Variants in BRPF1 observed in about 807,000 individuals in gnomAD.
The protein encoded by BRPF1 is peregrin.
A neutral mutation model predicts 115.0 loss-of-function variants in BRPF1; 15 were observed. The ratio of observed to expected loss-of-function variants is 0.13; its 90% CI spans 0.09 to 0.20. The LOEUF is 0.20. BRPF1 is among the 10% of genes least tolerant of loss of function. The pLI, the probability that BRPF1 is intolerant of heterozygous loss-of-function variation, is 1.00. For missense variants in BRPF1, 1,118 were observed against 1,638.3 expected, an observed-to-expected ratio of 0.68 and a Z score of 5.48; for synonymous variants, 647 against 619.8, an observed-to-expected ratio of 1.04 and a Z score of -0.65.
In BRPF1 at chr3:9,734,722, G is replaced by C; in HGVS notation, c.582G>C (p.Arg194=). The C allele has an allele frequency of 6.2e-7, 1 of 1,613,988 alleles. No individual in the cohort carries two copies. Among genetic ancestry groups the C allele is most frequent in the East Asian group, 2.2e-5 (1 of 44,884 alleles). ...AGGACACCCCTGATGCCCCACCCCG[G>C]CCAACTTCCTATTACCGGTAAGGCC... The part of the protein sequence containing the change: ...LEQDTPDAPP[R]PTSYYRYIEK... Residue 194 remains arginine, a synonymous_variant, in exon 2 of 14, where the codon CGG becomes CGC. Coordinates refer to ENST00000383829, the MANE Select transcript of BRPF1 (RefSeq NM_001003694.2). The surrounding 1 kb of genome is among the most constrained non-coding windows in gnomAD (Gnocchi z 5.7).
In BRPF1 at chr3:9,739,121, C is replaced by T. The variant is rs369506759; in HGVS notation, c.722C>T (p.Pro241Leu). 2.5e-5 allele frequency: 41 copies of T among 1,613,982 alleles called. No individual in the cohort carries two copies. Among genetic ancestry groups the T allele is most frequent in the Non-Finnish European group, 3.3e-5 (39 of 1,179,956 alleles). The change falls in exon 3 of 14, where the codon CCG becomes CTG. Residue 241 changes from proline (P) to leucine (L), a missense_variant. Physicochemically the swap from Pro to Leu is moderately conservative, Grantham distance 98. Transcript: ENST00000383829. ...AAGACAGAGGGTGTAAGTCCCATCC[C>T]GCAGGAGATCTTTGAGTACCTAATG... ...RRKTEGVSPI[P>L]QEIFEYLMDR...
At chr3:9,738,729 G>T (rs918044806) in intron 2 of BRPF1, among the ~76,000 whole-genome samples, 57 of 152,234 alleles carry the variant, frequency 3.7e-4, no homozygotes, top group African/African-American at 1.3e-3. Flanking sequence ...GAGCTTTGCA[G>T]TGGCAGACCT....
chr3:9,734,030 G>A lies in BRPF1; in HGVS notation c.-10-101G>A. The A allele has an allele frequency of 1.3e-6, 2 of 1,499,312 alleles. No individual in the cohort carries two copies. Among genetic ancestry groups the A allele is most frequent in the Non-Finnish European group, 1.8e-6 (2 of 1,131,284 alleles). 92.9% of individuals were successfully genotyped at this position (1,499,312 alleles called of 1,614,324 possible). On this transcript the variant is annotated intron_variant, in intron 1 of 13. Coordinates refer to ENST00000383829, the MANE Select transcript of BRPF1 (RefSeq NM_001003694.2). This position sits in a 1 kb window ranked among gnomAD's most constrained non-coding sequence, Gnocchi z 5.7. ...GTAGAGGTAGGCTGGCCAGAATCTG[G>A]TGACTCCAAGTGAGGGGGAGGGCTA...
At chr3:9,738,977 G>C in intron 2 of BRPF1, 22 bp from the exon 3 acceptor site, 1 of 1,526,974 alleles carries the variant, frequency 6.5e-7, no homozygotes, top group Non-Finnish European at 8.8e-7. Flanking sequence ...ATGTGATGCT[G>C]AGTTCCCTGT....
chr3:9,734,725 A>G lies in BRPF1; in HGVS notation c.585A>G (p.Pro195=), dbSNP rs745701634. 1.1e-5 allele frequency: 17 copies of G among 1,613,874 alleles called. No individual in the cohort carries two copies. In the South Asian group the frequency reaches 1.9e-4, roughly 18 times the overall value. Residue 195 remains proline (P), a synonymous_variant, in exon 2 of 14, where the codon CCA becomes CCG. Coordinates refer to ENST00000383829, the MANE Select transcript of BRPF1 (RefSeq NM_001003694.2). The surrounding 1 kb of genome is among the most constrained non-coding windows in gnomAD (Gnocchi z 5.7). ...ACACCCCTGATGCCCCACCCCGGCCAACTTCCTATTACCGGTAAGGCCACC... is the reference window on the plus strand; with the variant it reads ...ACACCCCTGATGCCCCACCCCGGCCGACTTCCTATTACCGGTAAGGCCACC... ...EQDTPDAPPR[P]TSYYRYIEKS... is the part of the protein sequence containing the mutation.
Position 9,745,479 on chromosome 3 carries a change from C to A in BRPF1, c.3069-94C>A. 2 of 1,426,218 alleles carry A rather than the reference C, an allele frequency of 1.4e-6. No individual in the cohort carries two copies. The highest frequency in any genetic ancestry group is 2.0e-6 in the Non-Finnish European group (2 of 1,024,878). 88.3% of individuals were successfully genotyped at this position (1,426,218 alleles called of 1,614,324 possible). On this transcript the variant is annotated intron_variant, in intron 10 of 13. Transcript: ENST00000383829. The surrounding 1 kb of genome is among the most constrained non-coding windows in gnomAD (Gnocchi z 5.1). Reference sequence around the variant, plus strand: ...TATAGCCTCTGCTTTCCAAAAGTCTCAGACCCTGCGGGCTTTAAGAGCTGA... The same window carrying A: ...TATAGCCTCTGCTTTCCAAAAGTCTAAGACCCTGCGGGCTTTAAGAGCTGA...
Position 9,739,757 on chromosome 3 carries a change from C to G in BRPF1, c.1358C>G (p.Ala453Gly). The G allele has an allele frequency of 6.2e-7, 1 of 1,614,200 alleles. No individual in the cohort carries two copies. The highest frequency in any genetic ancestry group is 8.5e-7 in the Non-Finnish European group (1 of 1,180,024). Residue 453 changes from alanine (A) to glycine (G), a missense_variant, in exon 3 of 14, where the codon GCA becomes GGA. Transcript: ENST00000383829. ...YCDIHTPPGS[A>G]RRLPALSHSE... ...GACATCCACACGCCTCCAGGTTCAG[C>G]ACGCCGACTGCCTGCCCTGTCCCAC...
At chr3:9,733,918 G>A (rs1164920286) in intron 1 of BRPF1, among the ~76,000 whole-genome samples, 5 of 152,194 alleles carry the variant, frequency 3.3e-5, no homozygotes, top group Non-Finnish European at 7.3e-5. Flanking sequence ...GGCTAAAGAA[G>A]TTGAGACATA....
rs998192273 is a variant in BRPF1 at position 9,741,020 on chromosome 3, A to G, written c.1722+79A>G. 7.6e-6 allele frequency: 11 copies of G among 1,450,272 alleles called. No individual in the cohort carries two copies. The African/African-American group carries it at 8.4e-5, about 11-fold the overall frequency. 89.8% of individuals were successfully genotyped at this position (1,450,272 alleles called of 1,614,324 possible). On this transcript the variant is annotated intron_variant, in intron 4 of 13. Coordinates refer to ENST00000383829, the MANE Select transcript of BRPF1 (RefSeq NM_001003694.2). ...ACCAAAATTTGCAACTGTAGTTTCCAGTGTCAGAGGGCTTAGACTCTTTCC... is the reference window on the plus strand; with the variant it reads ...ACCAAAATTTGCAACTGTAGTTTCCGGTGTCAGAGGGCTTAGACTCTTTCC...
At chr3:9,742,323 A>T in intron 6 of BRPF1, 152 bp downstream of exon 6, 2 of 1,475,238 alleles carry the variant, frequency 1.4e-6, no homozygotes, top group Non-Finnish European at 1.8e-6. Flanking sequence ...TATCACCTGG[A>T]CTCTGTCTTG....
chr3:9,742,227 C>T (rs2077044000), intron 6 of BRPF1, 56 bp downstream of exon 6: 4 of 1,599,096 alleles, frequency 2.5e-6, no homozygotes, highest in Middle Eastern at 1.8e-4. Flanking sequence ...CAGTTGGACC[C>T]CTGCTGCAGG....
chr3:9,739,482 C>T lies in BRPF1; in HGVS notation c.1083C>T (p.Cys361=), dbSNP rs1167732714. 1.2e-6 allele frequency: 2 copies of T among 1,613,648 alleles called. No individual in the cohort carries two copies. The highest frequency in any genetic ancestry group is 1.3e-5 in the African/African-American group (1 of 75,058). The part of the protein sequence containing the change: ...VVCALWIPEV[C]FANTVFLEPI... ...GTGCCTTGTGGATCCCTGAGGTCTGCTTCGCCAACACGGTCTTCCTAGAGC... is the reference window on the plus strand; with the variant it reads ...GTGCCTTGTGGATCCCTGAGGTCTGTTTCGCCAACACGGTCTTCCTAGAGC... The change falls in exon 3 of 14, where the codon TGC becomes TGT. Residue 361 remains cysteine (C), a synonymous_variant. Coordinates refer to ENST00000383829, the MANE Select transcript of BRPF1 (RefSeq NM_001003694.2).
chr3:9,742,897 A>T, intron 6 of BRPF1, 47 bp from the exon 7 acceptor site: 1 of 1,580,694 alleles, frequency 6.3e-7, no homozygotes, highest in Non-Finnish European at 8.6e-7. Flanking sequence ...GTTCGGGGCA[A>T]TAAGGAGGAT....
chr3:9,747,111 G>T lies in BRPF1; in HGVS notation c.3480-55G>T. 6.3e-7 allele frequency: 1 copy of T among 1,595,368 alleles called. No homozygotes were observed. The highest frequency in any genetic ancestry group is 8.6e-7 in the Non-Finnish European group (1 of 1,166,684). The stretch of plus-strand genomic sequence containing the variant: ...TGTGTTTGAGTGAATAGAGGAGGAA[G>T]GCTGGTCCTTGTTCTCCCTGAGATG... On this transcript the variant is annotated intron_variant, in intron 13 of 13. Transcript: ENST00000383829. This position sits in a 1 kb window ranked among gnomAD's most constrained non-coding sequence, Gnocchi z 5.6.
chr3:9,745,134 G>C lies in BRPF1; in HGVS notation c.3047G>C (p.Ser1016Thr). The C allele has an allele frequency of 6.2e-7, 1 of 1,614,200 alleles. No homozygotes were observed. The highest frequency in any genetic ancestry group is 8.5e-7 in the Non-Finnish European group (1 of 1,180,028). ...DSESSSSSSS[S>T]AASDRTSTTP... The stretch of plus-strand genomic sequence containing the variant: ...GAGTCCAGCAGCAGTAGCAGTAGCA[G>C]CGCTGCTTCAGACCGGACCAGGTAC... The change falls in exon 10 of 14, where the codon AGC becomes ACC. Residue 1016 changes from serine (S) to threonine (T), a missense_variant. Around this residue, in one of 10 missense-constraint regions of BRPF1, gnomAD observed 100 missense variants for 109.9 expected, o/e 0.91. Transcript: ENST00000383829. This position sits in a 1 kb window ranked among gnomAD's most constrained non-coding sequence, Gnocchi z 5.1.
rs1161641700 is a variant in BRPF1 at position 9,739,694 on chromosome 3, A to G, written c.1295A>G (p.Asn432Ser). 6.2e-7 allele frequency: 1 copy of G among 1,613,320 alleles called. No homozygotes were observed. The highest frequency in any genetic ancestry group is 1.3e-5 in the African/African-American group (1 of 74,916). Residue 432 changes from asparagine to serine, a missense_variant, in exon 3 of 14, where the codon AAC becomes AGC. Asn to Ser is a conservative substitution (Grantham distance 46, BLOSUM62 1). This residue lies in a region of BRPF1 where 87 missense variants were observed against 93.4 expected (regional missense o/e 0.93). Coordinates refer to ENST00000383829, the MANE Select transcript of BRPF1 (RefSeq NM_001003694.2). ...GAGCCTGTGCGGGAGACAGGCGCCAACGGCACCTCTTTCAGTGTCCGCAAG... is the reference window on the plus strand; with the variant it reads ...GAGCCTGTGCGGGAGACAGGCGCCAGCGGCACCTCTTTCAGTGTCCGCAAG... ...KMEPVRETGA[N>S]GTSFSVRKTA... is the part of the protein sequence containing the mutation.
chr3:9,736,711 G>A (rs894943258), intron 2 of BRPF1, among the ~76,000 whole-genome samples: 1 of 152,226 alleles, frequency 6.6e-6, no homozygotes, highest in Non-Finnish European at 1.5e-5. Context: ...ACTGAGATGT[G>A]TATTGCATGG....
rs1236262586 is a variant in BRPF1 at position 9,734,266 on chromosome 3, G to A, written c.126G>A (p.Leu42=). The A allele has an allele frequency of 4.3e-6, 7 of 1,613,904 alleles. No individual in the cohort carries two copies. The highest frequency in any genetic ancestry group is 3.3e-5 in the South Asian group (3 of 91,080). ...YKSYSGIEYH[L]YHYDHDNPPP... ...GTTACAGTGGTATTGAGTACCACCT[G>A]TACCACTATGACCACGACAACCCAC... Residue 42 remains leucine (L), a synonymous_variant, in exon 2 of 14, where the codon CTG becomes CTA. Coordinates refer to ENST00000383829, the MANE Select transcript of BRPF1 (RefSeq NM_001003694.2). The surrounding 1 kb of genome is among the most constrained non-coding windows in gnomAD (Gnocchi z 5.7).
At position 9,745,061 on chromosome 3, in the gene BRPF1, T is replaced by C. The variant is rs753275716; in HGVS notation, c.2974T>C (p.Leu992=). The C allele has an allele frequency of 1.1e-5, 17 of 1,614,138 alleles. No homozygotes were observed. Among genetic ancestry groups the C allele is most frequent in the Admixed American group, 1.7e-5 (1 of 60,006 alleles). The change falls in exon 10 of 14, where the codon TTG becomes CTG. Residue 992 remains leucine (L), a synonymous_variant. Coordinates refer to ENST00000383829, the MANE Select transcript of BRPF1 (RefSeq NM_001003694.2). The surrounding 1 kb of genome is among the most constrained non-coding windows in gnomAD (Gnocchi z 5.1). The stretch of plus-strand genomic sequence containing the variant: ...AAACCAACCAGTGAAGAAGAGTTTC[T>C]TGGTATACCGTAATGACTGCAGCCT... ...GGNQPVKKSF[L]VYRNDCSLPR... is the part of the protein sequence containing the mutation.
Sources: gnomAD v4.1 joint callset for allele counts (sites outside exome capture counted in the v4.1 genomes callset) on GRCh38, gnomAD v4.1.1 for gene constraint, gnomAD v4.1.1 regional missense constraint, Gnocchi (gnomAD v3.1) non-coding constraint, MANE v1.5 for transcripts, NCBI Gene and HGNC (gene_info 2026-07-23, HGNC 2026-07-21) for gene names.